PPP6R2: variants seen among roughly 807,000 people sequenced by gnomAD.
PPP6R2 encodes the protein serine/threonine-protein phosphatase 6 regulatory subunit 2.
In PPP6R2, 62 loss-of-function variants were observed where a neutral mutation model predicts 100.2. The observed-to-expected ratio is 0.62, with a 90% CI of 0.50 to 0.76. The LOEUF is 0.76. PPP6R2 is among the 30% of genes least tolerant of loss of function. The pLI, the probability that PPP6R2 is intolerant of heterozygous loss-of-function variation, is 0.00. For missense variants in PPP6R2, 1,142 were observed against 1,276.3 expected, an observed-to-expected ratio of 0.89 and a Z score of 1.60; for synonymous variants, 525 against 514.7, an observed-to-expected ratio of 1.02 and a Z score of -0.27.
the PPP6R2 span, among the ~76,000 whole-genome samples, chr22:50,331,765 G>A: frequency 1.3e-5 from 2 of 152,288 alleles, no homozygotes; most frequent in South Asian, 2.1e-4. Flanking sequence ...TGGGATTACA[G>A]ATGCATGCTA....
At chr22:50,366,649 C>CT (rs2048825968) in intron 1 of PPP6R2, among the ~76,000 whole-genome samples, 1 of 152,172 alleles carries the variant, frequency 6.6e-6, no homozygotes, top group South Asian at 2.1e-4. Flanking sequence ...GAATACCTTC[C>CT]TTACACACAT....
At chr22:50,391,614 A>G (rs1434144154) in intron 2 of PPP6R2, among the ~76,000 whole-genome samples, 2 of 151,916 alleles carry the variant, frequency 1.3e-5, no homozygotes, top group Admixed American at 1.3e-4. Context: ...AATAAAATCC[A>G]GTCTGACAAT....
intron 2 of PPP6R2, among the ~76,000 whole-genome samples, chr22:50,378,806 G>A (rs1017804698): frequency 2.0e-5 from 3 of 151,424 alleles, no homozygotes; most frequent in Non-Finnish European, 4.4e-5. Context: ...CTCGAGCCCA[G>A]GAGATTGAGA....
At chr22:50,379,341 A>T (rs537656598) in intron 2 of PPP6R2, among the ~76,000 whole-genome samples, 23 of 151,850 alleles carry the variant, frequency 1.5e-4, no homozygotes, top group Admixed American at 4.6e-4. Flanking sequence ...ACAAAAAAAT[A>T]AAAAAATTAG....
chr22:50,437,480 T>TCCCAAC, intron 15 of PPP6R2, 26 bp from the exon 16 acceptor site: 5 of 728,364 alleles, frequency 6.9e-6, no homozygotes, highest in Non-Finnish European at 5.0e-6. Flanking sequence ...TGTCTGTCCG[T>TCCCAAC]CCCTCCCTCC....
At chr22:50,404,882 G>A (rs891693046) in intron 3 of PPP6R2, among the ~76,000 whole-genome samples, 2 of 152,156 alleles carry the variant, frequency 1.3e-5, no homozygotes, top group African/African-American at 2.4e-5. Context: ...ATTCCCAGAG[G>A]CAGGGTCATG....
chr22:50,435,026 G>A lies in PPP6R2; in HGVS notation c.1461G>A (p.Val487=), dbSNP rs1328907721. The change falls in exon 13 of 24, where the codon GTG becomes GTA. Residue 487 remains valine, a synonymous_variant. Coordinates refer to ENST00000612753, the MANE Select transcript of PPP6R2 (RefSeq NM_001242898.2). ...ACCTCACACGGATCGCCAACGCGGT[G>A]GTGCAGAACCTGGAGCGGGGCCCTG... The part of the protein sequence containing the change: ...MGHLTRIANA[V]VQNLERGPVQ... 6.2e-7 allele frequency: 1 copy of A among 1,602,564 alleles called. No homozygotes were observed. Among genetic ancestry groups the A allele is most frequent in the East Asian group, 2.3e-5 (1 of 44,400 alleles).
intron 3 of PPP6R2, among the ~76,000 whole-genome samples, chr22:50,403,418 T>G (rs2058357839): frequency 6.6e-6 from 1 of 152,192 alleles, no homozygotes. Context: ...CTGGCCCTCC[T>G]CTCCTGCTCT....
At chr22:50,356,293 A>G (rs1027468598) in intron 1 of PPP6R2, among the ~76,000 whole-genome samples, 16 of 148,032 alleles carry the variant, frequency 1.1e-4, no homozygotes, top group Non-Finnish European at 1.8e-4. Context: ...CAGAATGTAC[A>G]GTCTATTTTT....
At chr22:50,390,755 C>T (rs955623496) in intron 2 of PPP6R2, among the ~76,000 whole-genome samples, 5 of 152,010 alleles carry the variant, frequency 3.3e-5, no homozygotes, top group African/African-American at 1.2e-4. Context: ...AATCCCAGCA[C>T]TTTGGGAGGC....
intron 10 of PPP6R2, among the ~76,000 whole-genome samples, chr22:50,424,854 A>G (rs1368472623): frequency 6.6e-6 from 1 of 151,720 alleles, no homozygotes; most frequent in Non-Finnish European, 1.5e-5. Context: ...GTTGGCCAGG[A>G]TGGTCTCAAA....
intron 2 of PPP6R2, among the ~76,000 whole-genome samples, chr22:50,382,034 T>A (rs2148684455): frequency 6.6e-6 from 1 of 152,238 alleles, no homozygotes; most frequent in Admixed American, 6.5e-5. Context: ...AACCATTAAC[T>A]AAATGATAAT....
chr22:50,383,985 A>C (rs2053649139), intron 2 of PPP6R2, among the ~76,000 whole-genome samples: 1 of 151,280 alleles, frequency 6.6e-6, no homozygotes, highest in Non-Finnish European at 1.5e-5. Flanking sequence ...GCGGTGAGCC[A>C]AGATCACACC....
At chr22:50,351,607 A>G (rs73439342) in intron 1 of PPP6R2, among the ~76,000 whole-genome samples, 1,916 of 151,986 alleles carry the variant, frequency 0.013, 46 homozygotes, top group African/African-American at 0.044. Context: ...GACAACTTCT[A>G]TATCAGCATT....
chr22:50,370,497 C>G (rs542683258), intron 1 of PPP6R2, among the ~76,000 whole-genome samples: 2 of 151,772 alleles, frequency 1.3e-5, no homozygotes, highest in Non-Finnish European at 2.9e-5. Flanking sequence ...CTATGTTGGC[C>G]AGACTGGTCT....
chr22:50,434,505 T>A (rs1301432072), intron 12 of PPP6R2, among the ~76,000 whole-genome samples: 2 of 71,924 alleles, frequency 2.8e-5, no homozygotes, highest in African/African-American at 1.4e-4. Flanking sequence ...GCATTTGCCC[T>A]GGAGGTGAAC....
intron 1 of PPP6R2, among the ~76,000 whole-genome samples, chr22:50,366,304 C>T (rs2048745342): frequency 6.6e-6 from 1 of 151,406 alleles, no homozygotes; most frequent in African/African-American, 2.4e-5. Context: ...GGATTGTTCC[C>T]TCTCATCTTT....
At position 50,394,004 on chromosome 22, in the gene PPP6R2, C is replaced by T. The variant is rs771587966; in HGVS notation, c.96C>T (p.Asp32=). ...VTLQELMDED[D]ILQECKAQNQ... is the part of the protein sequence containing the mutation. ...TGCAGGAGTTAATGGATGAAGATGA[C>T]ATCTTGCAGGAGTGTAAGGCTCAGA... Residue 32 remains aspartate, a synonymous_variant, in exon 3 of 24, where the codon GAC becomes GAT. Coordinates refer to ENST00000612753, the MANE Select transcript of PPP6R2 (RefSeq NM_001242898.2). 28 of 1,614,092 alleles carry T rather than the reference C, an allele frequency of 1.7e-5. No individual in the cohort carries two copies. The Admixed American group carries it at 3.7e-4, about 21-fold the overall frequency.
At chr22:50,429,954 C>A (rs995901094) in intron 10 of PPP6R2, among the ~76,000 whole-genome samples, 8 of 152,224 alleles carry the variant, frequency 5.3e-5, no homozygotes, top group Non-Finnish European at 8.8e-5. Flanking sequence ...GCTCCAACCC[C>A]ACTGTGTGGA....
Sources: gnomAD v4.1 joint callset for allele counts (sites outside exome capture counted in the v4.1 genomes callset) on GRCh38, gnomAD v4.1.1 for gene constraint, MANE v1.5 for transcripts, NCBI Gene and HGNC (gene_info 2026-07-23, HGNC 2026-07-21) for gene names.